The following EPB41L3 variants were observed in gnomAD, a reference collection of about 807,000 sequenced individuals.
EPB41L3 encodes the protein band 4.1-like protein 3.
A neutral mutation model predicts 127.1 loss-of-function variants in EPB41L3; 57 were observed. That is an observed-to-expected ratio of 0.45 (90% CI 0.36 to 0.56). The LOEUF (loss-of-function observed/expected upper bound fraction) is 0.56. EPB41L3 is among the 20% of genes least tolerant of loss of function. The pLI is 0.00. For missense variants in EPB41L3, 1,273 were observed against 1,372.2 expected (o/e 0.93, Z 1.14); for synonymous variants, 572 against 549.5 (o/e 1.04, Z -0.57).
chr18:5,434,149 C>T (rs755056855), intron 6 of EPB41L3, 28 bp from the exon 7 acceptor site: 40 of 1,590,416 alleles, frequency 2.5e-5, no homozygotes, highest in East Asian at 1.3e-4. Context: ...CACAACACAA[C>T]GAAGGCAGCA....
intron 12 of EPB41L3, among the ~76,000 whole-genome samples, 170 bp from the exon 13 acceptor site, chr18:5,416,548 A>G (rs905047401): frequency 1.3e-5 from 2 of 152,242 alleles, no homozygotes; most frequent in African/African-American, 4.8e-5. Flanking sequence ...GCTGCATGCC[A>G]CTGTTGCCAC....
At chr18:5,484,086 C>CAAAAAAAAAAAAAAACAAAAA (rs2089168452) in intron 2 of EPB41L3, among the ~76,000 whole-genome samples, 2 of 18,264 alleles carry the variant, frequency 1.1e-4, no homozygotes, top group African/African-American at 2.5e-4. Context: ...CAAACAAACT[C>CAAAAAAAAAAAAAAACAAAAA]AAAAAAAAAA....
At chr18:5,410,156 C>T (rs73375719) in intron 14 of EPB41L3, among the ~76,000 whole-genome samples, 13,819 of 151,830 alleles carry the variant, frequency 0.091, 1,333 homozygotes, top group African/African-American at 0.25. Context: ...TTAATTGTGA[C>T]CTTCTTCCCA....
chr18:5,629,916 G>T (rs1032912048), upstream of EPB41L3, among the ~76,000 whole-genome samples: 5 of 152,212 alleles, frequency 3.3e-5, no homozygotes, highest in African/African-American at 1.2e-4. Flanking sequence ...GGCCGGCGCG[G>T]AGGGGTGGAG....
At chr18:5,428,520 T>G in intron 8 of EPB41L3, 55 bp from the exon 9 acceptor site, 2 of 1,601,018 alleles carry the variant, frequency 1.2e-6, no homozygotes, top group South Asian at 2.2e-5. Context: ...TTCCATTTTC[T>G]GCTGGGTAAA....
intron 1 of EPB41L3, among the ~76,000 whole-genome samples, chr18:5,536,206 A>G (rs2093566765): frequency 6.6e-6 from 1 of 152,154 alleles, no homozygotes; most frequent in Non-Finnish European, 1.5e-5. Flanking sequence ...CAATATTCAC[A>G]CACAACATTG....
rs147480786 is a variant in EPB41L3 at position 5,397,294 on chromosome 18, C to A, written c.2605G>T (p.Asp869Tyr). 2.1e-4 allele frequency: 336 copies of A among 1,614,038 alleles called. 2 individuals are homozygous for A. The highest frequency in any genetic ancestry group is 5.6e-4 in the South Asian group (51 of 91,080). The part of the protein sequence containing the change: ...EERRVVHASG[D>Y]ASYSAGDSGD... The stretch of plus-strand genomic sequence containing the variant: ...CTGTCTCCCGCCGAGTAAGAAGCAT[C>A]CCCACTCGCGTGCACCACACGCCGC... The change falls in exon 18 of 23, where the codon GAT (aspartate) becomes TAT (tyrosine). Residue 869 changes from aspartate to tyrosine, a missense_variant. Physicochemically the swap from Asp to Tyr is radical, Grantham distance 160. Around this residue, in one of 3 missense-constraint regions of EPB41L3, gnomAD observed 765 missense variants for 782.9 expected, o/e 0.98. Coordinates refer to ENST00000341928, the MANE Select transcript of EPB41L3 (RefSeq NM_012307.5). This position sits in a 1 kb window ranked among gnomAD's most constrained non-coding sequence, Gnocchi z 4.1.
chr18:5,478,414 C>A lies in EPB41L3; in HGVS notation c.208G>T (p.Ala70Ser), dbSNP rs2087687404. The change falls in exon 3 of 23, where the codon GCT becomes TCT. Residue 70 changes from alanine (A) to serine (S), a missense_variant. Coordinates refer to ENST00000341928, the MANE Select transcript of EPB41L3 (RefSeq NM_012307.5). The stretch of plus-strand genomic sequence containing the variant: ...TCGAGCTGTTTTGCAGCCCTGGCAG[C>A]AAACTCCTGTTCCTTGTCAGTGACC... Reference protein sequence around the residue: ...REVTDKEQEFAARAAKQLEYQ... With the variant: ...REVTDKEQEFSARAAKQLEYQ... 3 of 1,614,170 alleles carry A rather than the reference C, an allele frequency of 1.9e-6. No individual in the cohort carries two copies. The East Asian group carries it at 6.7e-5, about 36-fold the overall frequency.
intron 3 of EPB41L3, among the ~76,000 whole-genome samples, chr18:5,450,314 G>C (rs2082121463): frequency 6.6e-6 from 1 of 152,096 alleles, no homozygotes; most frequent in African/African-American, 2.4e-5. Context: ...ACAGCACAAA[G>C]AACAAACTGT....
intron 1 of EPB41L3, among the ~76,000 whole-genome samples, chr18:5,505,765 A>C (rs1206124529): frequency 1.0e-5 from 1 of 96,968 alleles, no homozygotes; most frequent in African/African-American, 4.1e-5. Flanking sequence ...TTCCCTCCAC[A>C]CCTTCACCTC....
chr18:5,451,519 C>T (rs1419144055), intron 3 of EPB41L3, among the ~76,000 whole-genome samples: 1 of 152,204 alleles, frequency 6.6e-6, no homozygotes, highest in Non-Finnish European at 1.5e-5. Flanking sequence ...CTATATTCTG[C>T]CTTACATCCC....
intron 13 of EPB41L3, among the ~76,000 whole-genome samples, chr18:5,411,411 G>C (rs1287175966): frequency 6.6e-6 from 1 of 152,144 alleles, no homozygotes; most frequent in Non-Finnish European, 1.5e-5. Flanking sequence ...GAGAAAGAGA[G>C]AAACATCTAC....
At chr18:5,506,067 A>G (rs1163862771) in intron 1 of EPB41L3, among the ~76,000 whole-genome samples, 1 of 151,052 alleles carries the variant, frequency 6.6e-6, no homozygotes, top group Non-Finnish European at 1.5e-5. Context: ...ACCCCGCCAC[A>G]TTACTTCCAC....
chr18:5,544,227 G>A (rs1568551741), upstream of EPB41L3: 9 of 985,612 alleles, frequency 9.1e-6, no homozygotes, highest in South Asian at 4.7e-5. Flanking sequence ...CGCAGGGTCA[G>A]GCTCCGCGGA....
At chr18:5,453,773 C>T (rs1324944778) in intron 3 of EPB41L3, among the ~76,000 whole-genome samples, 2 of 152,120 alleles carry the variant, frequency 1.3e-5, no homozygotes, top group Middle Eastern at 3.2e-3. Flanking sequence ...TTTTTACTGC[C>T]CTGGTACAGT....
chr18:5,493,018 G>A (rs951831375), intron 1 of EPB41L3, among the ~76,000 whole-genome samples: 2 of 152,280 alleles, frequency 1.3e-5, no homozygotes, highest in South Asian at 4.1e-4. Flanking sequence ...TCATTGCCAT[G>A]CATTTTGGGC....
intron 2 of EPB41L3, among the ~76,000 whole-genome samples, chr18:5,488,013 C>T (rs140438095): frequency 3.9e-5 from 6 of 152,262 alleles, no homozygotes; most frequent in African/African-American, 1.4e-4. Context: ...CAAATCGGCA[C>T]TCTAAAACAT....
chr18:5,457,643 G>C (rs8088783), intron 3 of EPB41L3, among the ~76,000 whole-genome samples: 43,578 of 152,038 alleles, frequency 0.29, 6,506 homozygotes, highest in Middle Eastern at 0.38. Flanking sequence ...CTGGTACACA[G>C]ACAGCAAAAG....
rs35380352 is a variant in EPB41L3, at chr18:5,597,960, C to T, written c.-306+14380G>A. 1.2e-3 allele frequency among the ~76,000 whole-genome samples: 190 copies of T among 152,294 alleles called. 3 individuals are homozygous for T. Among genetic ancestry groups the T allele is most frequent in the Non-Finnish European group, 2.0e-3 (138 of 68,028 alleles). ...CCACGTGTTTGAGTGCTCTCTCTGTCCCAGATCCTGCATGCACAATGTTTC... is the reference window on the plus strand; with the variant it reads ...CCACGTGTTTGAGTGCTCTCTCTGTTCCAGATCCTGCATGCACAATGTTTC... On this transcript the variant is annotated intron_variant, in intron 3 of 21. Coordinates refer to the EPB41L3 transcript ENST00000545076.
Sources: allele counts gnomAD v4.1 joint callset (sites outside exome capture counted in the v4.1 genomes callset), GRCh38; gene constraint gnomAD v4.1.1; regional missense constraint gnomAD v4.1.1; non-coding constraint Gnocchi (gnomAD v3.1); transcripts MANE v1.5; gene names NCBI Gene and HGNC (gene_info 2026-07-23, HGNC 2026-07-21).